Variants in SLC35F2 observed in about 807,000 individuals in gnomAD.
The protein encoded by SLC35F2 is queuine/queuosine transporter SLC35F2.
SLC35F2 carries 25 observed loss-of-function variants against 38.1 expected under a neutral mutation model. The observed-to-expected ratio is 0.66, with a 90% CI of 0.48 to 0.92. The LOEUF is 0.92. SLC35F2 is among the 40% of genes least tolerant of loss of function. The pLI is 0.00. For synonymous variants in SLC35F2, 173 were observed against 181.7 expected (o/e 0.95, Z 0.38); for missense variants, 409 against 452.9 (o/e 0.90, Z 0.88).
Position 107,806,786 on chromosome 11 carries a change from C to A in SLC35F2, c.505G>T (p.Ala169Ser), listed in dbSNP as rs1241229108. 1.2e-6 allele frequency: 2 copies of A among 1,613,922 alleles called. No homozygotes were observed. The highest frequency in any genetic ancestry group is 2.7e-5 in the African/African-American group (2 of 74,932). ...GTTCCTACACCCAACAGACAGACAG[C>A]CACGGCGATGAAGTGGATCACTCTG... ...RYRVIHFIAVAVCLLGVGTMV... is the reference protein window; with the variant it reads ...RYRVIHFIAVSVCLLGVGTMV... Residue 169 changes from alanine to serine, a missense_variant, in exon 4 of 8, where the codon GCT becomes TCT. Physicochemically the swap from Ala to Ser is moderately conservative, Grantham distance 99. Coordinates refer to ENST00000525815, the MANE Select transcript of SLC35F2 (RefSeq NM_017515.5).
chr11:107,824,766 T>TTTCC (rs1859727391), intron 1 of SLC35F2, among the ~76,000 whole-genome samples: 1 of 152,226 alleles, frequency 6.6e-6, no homozygotes, highest in South Asian at 2.1e-4. Context: ...GTGCATTTTA[T>TTTCC]TTCCTTCCTT....
intron 7 of SLC35F2, among the ~76,000 whole-genome samples, chr11:107,799,892 TG>T (rs1241504021): frequency 4.9e-5 from 5 of 101,930 alleles, no homozygotes; most frequent in Non-Finnish European, 6.4e-5. Context: ...TGTTTGTTTT[TG>T]TTTTTTTTTT....
intron 1 of SLC35F2, among the ~76,000 whole-genome samples, chr11:107,816,569 G>A (rs967959019): frequency 6.6e-6 from 1 of 151,240 alleles, no homozygotes; most frequent in African/African-American, 2.4e-5. Flanking sequence ...TTTCAAGGGT[G>A]AGCCATCGTG....
At chr11:107,838,960 T>C (rs757276635) in intron 1 of SLC35F2, among the ~76,000 whole-genome samples, 1 of 152,012 alleles carries the variant, frequency 6.6e-6, no homozygotes. Flanking sequence ...ACAAAAACTC[T>C]TGTGAGATAG....
At position 107,803,267 on chromosome 11, in the gene SLC35F2, A is replaced by G; in HGVS notation, c.785-112T>C. ...CCTAACCCTTTAACATATTATGTAC[A>G]AAGCCCCTTGTTAACAGTCAGCATT... On this transcript the variant is annotated intron_variant, in intron 6 of 7. Coordinates refer to ENST00000525815, the MANE Select transcript of SLC35F2 (RefSeq NM_017515.5). 3 of 1,332,162 alleles carry G rather than the reference A, an allele frequency of 2.3e-6. No individual in the cohort carries two copies. In the African/African-American group the frequency reaches 4.6e-5, roughly 20 times the overall value. 82.5% of individuals were successfully genotyped at this position (1,332,162 alleles called of 1,614,324 possible).
At chr11:107,842,280 A>AAAAAAAAAAAAAAT (rs1860024949) in intron 1 of SLC35F2, among the ~76,000 whole-genome samples, 1 of 148,602 alleles carries the variant, frequency 6.7e-6, no homozygotes, top group African/African-American at 2.5e-5. Flanking sequence ...AAAAAAAAAA[A>AAAAAAAAAAAAAAT]AAAAATTAAA....
intron 7 of SLC35F2, among the ~76,000 whole-genome samples, chr11:107,798,209 G>A (rs991250321): frequency 1.3e-5 from 2 of 152,000 alleles, no homozygotes; most frequent in Non-Finnish European, 2.9e-5. Flanking sequence ...TCACCATGTT[G>A]GCCGGGCTCG....
intron 1 of SLC35F2, among the ~76,000 whole-genome samples, chr11:107,832,336 G>A (rs1488635430): frequency 6.6e-6 from 1 of 152,196 alleles, no homozygotes; most frequent in African/African-American, 2.4e-5. Flanking sequence ...AAAAGGCCTG[G>A]AGCCAAAAGA....
At chr11:107,843,889 A>G (rs1400602493) in intron 1 of SLC35F2, among the ~76,000 whole-genome samples, 1 of 112,942 alleles carries the variant, frequency 8.9e-6, no homozygotes, top group African/African-American at 3.7e-5. Flanking sequence ...ATATATATAT[A>G]TATATATATA....
At position 107,815,864 on chromosome 11, in the gene SLC35F2, G is replaced by T. The variant is rs1276109064; in HGVS notation, c.212C>A (p.Thr71Asn). The T allele has an allele frequency of 1.2e-6, 2 of 1,614,068 alleles. No homozygotes were observed. The highest frequency in any genetic ancestry group is 8.5e-7 in the Non-Finnish European group (1 of 1,180,012). ...QYLAERYKVN[T>N]PMLQSFINYC... is the part of the protein sequence containing the mutation. ...ATTGATAAAGCTCTGAAGCATGGGG[G>T]TGTTCACTTTGTATCTTTCTGCCAA... The change falls in exon 2 of 8, where the codon ACC (threonine) becomes AAC (asparagine). Residue 71 changes from threonine (T) to asparagine (N), a missense_variant. Coordinates refer to ENST00000525815, the MANE Select transcript of SLC35F2 (RefSeq NM_017515.5).
At chr11:107,800,056 T>TC (rs796792960) in intron 7 of SLC35F2, among the ~76,000 whole-genome samples, 2,511 of 112,416 alleles carry the variant, frequency 0.022, 88 homozygotes, top group African/African-American at 0.1. Context: ...GCCCGGCTAA[T>TC]TTTTTGTATT....
intron 7 of SLC35F2, among the ~76,000 whole-genome samples, chr11:107,802,600 C>T (rs1366868137): frequency 1.3e-5 from 2 of 152,254 alleles, no homozygotes; most frequent in Non-Finnish European, 1.5e-5. Context: ...TCCTTTCCAT[C>T]AGGTACTCCA....
At chr11:107,810,666 T>C (rs1003542702) in intron 3 of SLC35F2, 72 of 985,268 alleles carry the variant, frequency 7.3e-5, no homozygotes, top group Middle Eastern at 5.2e-4. Flanking sequence ...TTTTAACCCA[T>C]ACTGGTCAAA....
At chr11:107,839,181 CTGGACGCAGTGA>C (rs1271330475) in intron 1 of SLC35F2, among the ~76,000 whole-genome samples, 1 of 152,124 alleles carries the variant, frequency 6.6e-6, no homozygotes, top group East Asian at 1.9e-4. Context: ...CTGGCTCTGG[CTGGACGCAGTGA>C]CTCACTCCTG....
rs376568715 is a variant in SLC35F2 at position 107,852,327 on chromosome 11, G to A, written c.110+6331C>T. 1.3e-3 allele frequency among the ~76,000 whole-genome samples: 196 copies of A among 152,234 alleles called. 1 individual carries two copies. The highest frequency in any genetic ancestry group is 4.5e-3 in the African/African-American group (189 of 41,542). Reference sequence around the variant, plus strand: ...AACACTTTGGGAGGCCGAGGCAGGCGAATCACGAGGTGAGGAGTTTGAGAT... The same window carrying A: ...AACACTTTGGGAGGCCGAGGCAGGCAAATCACGAGGTGAGGAGTTTGAGAT... On this transcript the variant is annotated intron_variant, in intron 1 of 7. Transcript: ENST00000525815.
intron 1 of SLC35F2, among the ~76,000 whole-genome samples, chr11:107,851,862 A>G (rs1226254385): frequency 1.3e-5 from 2 of 152,212 alleles, no homozygotes; most frequent in Non-Finnish European, 2.9e-5. Context: ...ACAAGCCACA[A>G]AAGATCCCTA....
intron 7 of SLC35F2, among the ~76,000 whole-genome samples, chr11:107,797,717 T>C (rs1046217271): frequency 6.6e-6 from 1 of 152,170 alleles, no homozygotes; most frequent in African/African-American, 2.4e-5. Context: ...ACCTTAAGAA[T>C]TCCTTAAGGA....
intron 4 of SLC35F2, chr11:107,805,723 G>A (rs996643714): frequency 2.1e-5 from 20 of 956,602 alleles, no homozygotes; most frequent in Non-Finnish European, 2.2e-5. Flanking sequence ...TGTTGCTCAG[G>A]CTGGAGTGCA....
chr11:107,802,111 G>A (rs1401961371), intron 7 of SLC35F2, among the ~76,000 whole-genome samples: 2 of 151,966 alleles, frequency 1.3e-5, no homozygotes, highest in African/African-American at 4.8e-5. Flanking sequence ...GATGGAGGGT[G>A]CCTGTAATCC....
Sources: allele counts gnomAD v4.1 joint callset (sites outside exome capture counted in the v4.1 genomes callset), GRCh38; gene constraint gnomAD v4.1.1; transcripts MANE v1.5; gene names NCBI Gene and HGNC (gene_info 2026-07-23, HGNC 2026-07-21).